NRG1: variants seen among roughly 807,000 people sequenced by gnomAD.
NRG1 encodes the protein pro-neuregulin-1, membrane-bound isoform.
Under a neutral mutation model 63.8 loss-of-function variants are expected in NRG1, and 18 were observed. The observed-to-expected ratio is 0.28, with a 90% CI of 0.19 to 0.42. NRG1 has a LOEUF of 0.42. Among genes scored for constraint, NRG1 ranks in the 10% least tolerant of loss-of-function variants. The pLI is 1.00. For synonymous variants in NRG1, 302 were observed against 301.3 expected, an observed-to-expected ratio of 1.00 and a Z score of -0.02; for missense variants, 762 against 814.7, an observed-to-expected ratio of 0.94 and a Z score of 0.79.
chr8:31,959,553 G>A (rs1015855414), intron 1 of NRG1, among the ~76,000 whole-genome samples: 4 of 151,904 alleles, frequency 2.6e-5, no homozygotes, highest in Non-Finnish European at 5.9e-5. Flanking sequence ...TCCTGGCCCC[G>A]TCTTGATGGG....
chr8:32,315,243 C>G (rs1857249402), intron 1 of NRG1, among the ~76,000 whole-genome samples: 1 of 152,120 alleles, frequency 6.6e-6, no homozygotes, highest in Non-Finnish European at 1.5e-5. Flanking sequence ...CCTCTGCCCA[C>G]CCCCCTGACA....
intron 1 of NRG1, among the ~76,000 whole-genome samples, chr8:32,273,510 A>C (rs1851770041): frequency 6.6e-6 from 1 of 152,144 alleles, no homozygotes; most frequent in Non-Finnish European, 1.5e-5. Flanking sequence ...GGGATAAAAA[A>C]CCTAAAATAA....
At chr8:32,170,325 A>G (rs1481739) in intron 1 of NRG1, among the ~76,000 whole-genome samples, 125,149 of 152,214 alleles carry the variant, frequency 0.82, 52,065 homozygotes, top group African/African-American at 0.93. Context: ...AACTTGAGGC[A>G]AGATGCGTAT....
At chr8:31,988,458 C>T (rs190099018) in intron 1 of NRG1, among the ~76,000 whole-genome samples, 3 of 152,080 alleles carry the variant, frequency 2.0e-5, no homozygotes, top group Admixed American at 1.3e-4. Context: ...GTGGATTGGC[C>T]AAAACTCTAA....
intron 1 of NRG1, among the ~76,000 whole-genome samples, chr8:32,467,879 T>C (rs1406715465): frequency 6.6e-6 from 1 of 152,192 alleles, no homozygotes; most frequent in African/African-American, 2.4e-5. Flanking sequence ...GACTGTTGAT[T>C]GTCCCTCTTC....
At chr8:32,194,581 G>A (rs917218661) in intron 1 of NRG1, among the ~76,000 whole-genome samples, 1 of 152,016 alleles carries the variant, frequency 6.6e-6, no homozygotes, top group African/African-American at 2.4e-5. Context: ...AGTAGACACT[G>A]GGAGGACAAG....
At chr8:32,442,429 T>C (rs1350658528) in intron 1 of NRG1, 2 of 152,222 alleles carry the variant, frequency 1.3e-5, no homozygotes, top group African/African-American at 2.4e-5. Context: ...GACTTTCTGG[T>C]TCACAAAGCA....
At chr8:32,719,752 CT>C (rs1820154056) in intron 5 of NRG1, among the ~76,000 whole-genome samples, 1 of 151,900 alleles carries the variant, frequency 6.6e-6, no homozygotes, top group Non-Finnish European at 1.5e-5. Context: ...CCCTTTGTCT[CT>C]TTTTTCTACG....
chr8:31,876,392 G>T, intron 1 of NRG1, among the ~76,000 whole-genome samples: 1 of 152,162 alleles, frequency 6.6e-6, no homozygotes. Context: ...TCCTTCAAAA[G>T]CTTTCTATTC....
At chr8:32,745,727 C>T (rs67418363) in intron 7 of NRG1, among the ~76,000 whole-genome samples, 23,915 of 151,434 alleles carry the variant, frequency 0.16, 1,965 homozygotes, top group Middle Eastern at 0.24. Flanking sequence ...TATACAGGCA[C>T]TCCATAATCA....
At chr8:32,207,146 C>A (rs950356739) in intron 1 of NRG1, among the ~76,000 whole-genome samples, 1 of 152,060 alleles carries the variant, frequency 6.6e-6, no homozygotes, top group Non-Finnish European at 1.5e-5. Context: ...ATGTTTATAA[C>A]ACCCTTTGGA....
chr8:31,993,141 T>C (rs991156834), intron 1 of NRG1, among the ~76,000 whole-genome samples: 6 of 152,016 alleles, frequency 3.9e-5, no homozygotes, highest in African/African-American at 1.4e-4. Flanking sequence ...GTCTGTGGGG[T>C]TGACTCGAGT....
At chr8:32,185,767 C>G (rs540039203) in intron 1 of NRG1, among the ~76,000 whole-genome samples, 86 of 152,122 alleles carry the variant, frequency 5.7e-4, no homozygotes, top group Non-Finnish European at 4.4e-4. Context: ...AGTGAAAACC[C>G]ATGGGAACAG....
At chr8:32,396,711 G>T (rs1045881974) in intron 1 of NRG1, among the ~76,000 whole-genome samples, 5 of 152,140 alleles carry the variant, frequency 3.3e-5, no homozygotes, top group African/African-American at 9.7e-5. Flanking sequence ...GCCTCCCAAA[G>T]TACTGGGATT....
intron 1 of NRG1, among the ~76,000 whole-genome samples, chr8:31,845,226 G>C (rs553876469): frequency 6.6e-6 from 1 of 152,056 alleles, no homozygotes; most frequent in East Asian, 1.9e-4. Flanking sequence ...TTTATGGTTA[G>C]ATACACATAT....
Position 31,796,414 on chromosome 8 carries a change from C to T in NRG1, c.37+156983C>T, listed in dbSNP as rs1461029281. 1.8e-3 allele frequency among the ~76,000 whole-genome samples: 79 copies of T among 43,346 alleles called. 1 individual carries two copies. The highest frequency in any genetic ancestry group is 2.5e-3 in the Non-Finnish European group (60 of 24,456). 28.4% of individuals were successfully genotyped at this position (43,346 alleles called of 152,430 possible). Reference sequence around the variant, plus strand: ...ATAACCAAATAAGATGGCGTATAATCTTTTTTTTTTTTTTTTTTTTTTTTT... The same window carrying T: ...ATAACCAAATAAGATGGCGTATAATTTTTTTTTTTTTTTTTTTTTTTTTTT... On this transcript the variant is annotated intron_variant, in intron 1 of 10. Transcript: ENST00000519301.
In NRG1 at chr8:32,019,758, A is replaced by C. The variant is rs530173654; in HGVS notation, c.37+380327A>C. On this transcript the variant is annotated intron_variant, in intron 1 of 10. Coordinates refer to the NRG1 transcript ENST00000519301. ...ATTTCCACACAGTTGCTATAGTACC[A>C]GATAACCAGTGCTATAGTACCATTT... is the stretch of plus-strand genomic sequence containing the variant. Among the ~76,000 whole-genome samples, 4 of 152,334 alleles carry C rather than the reference A, an allele frequency of 2.6e-5. No individual in the cohort carries two copies. The East Asian group carries it at 5.8e-4, about 22-fold the overall frequency.
chr8:32,092,163 C>G (rs1361047636), intron 1 of NRG1, among the ~76,000 whole-genome samples: 1 of 151,772 alleles, frequency 6.6e-6, no homozygotes, highest in East Asian at 1.9e-4. Flanking sequence ...TTTGGGGTGT[C>G]AAAAAAGAAA....
chr8:32,090,657 T>C (rs774403944), intron 1 of NRG1, among the ~76,000 whole-genome samples: 17 of 152,156 alleles, frequency 1.1e-4, no homozygotes, highest in Non-Finnish European at 2.1e-4. Flanking sequence ...AGCTTTATCA[T>C]CAGAGACATT....
Sources: allele counts gnomAD v4.1 joint callset (sites outside exome capture counted in the v4.1 genomes callset), GRCh38; gene constraint gnomAD v4.1.1; transcripts MANE v1.5; gene names NCBI Gene and HGNC (gene_info 2026-07-23, HGNC 2026-07-21).